The following TCERG1L variants were observed in gnomAD, a reference collection of about 807,000 sequenced individuals.
TCERG1L encodes the protein transcription elongation regulator 1-like protein.
Under a neutral mutation model 56.3 loss-of-function variants are expected in TCERG1L, and 37 were observed. The observed-to-expected ratio is 0.66, with a 90% CI of 0.51 to 0.87. The LOEUF is 0.87. Among genes scored for constraint, TCERG1L ranks in the 40% least tolerant of loss-of-function variants. TCERG1L has a pLI of 0.00. For synonymous variants in TCERG1L, 324 were observed against 326.3 expected (o/e 0.99, Z 0.08); for missense variants, 799 against 774.2 (o/e 1.03, Z -0.38).
At chr10:131,152,197 T>G (rs1845873099) in intron 6 of TCERG1L, among the ~76,000 whole-genome samples, 4 of 152,226 alleles carry the variant, frequency 2.6e-5, no homozygotes. Context: ...GTTTTTCTTT[T>G]CTATCGCGTG....
chr10:131,166,669 G>T, intron 5 of TCERG1L, 128 bp downstream of exon 5: 2 of 925,716 alleles, frequency 2.2e-6, no homozygotes, highest in Non-Finnish European at 3.3e-6. Context: ...AGGTCCTGCT[G>T]CTTCACACAG....
intron 4 of TCERG1L, among the ~76,000 whole-genome samples, 151 bp from the exon 5 acceptor site, chr10:131,167,036 G>C (rs1210619430): frequency 6.6e-6 from 1 of 152,252 alleles, no homozygotes; most frequent in Non-Finnish European, 1.5e-5. Context: ...CCTGTCCTTG[G>C]GTTGAAGTCT....
intron 6 of TCERG1L, among the ~76,000 whole-genome samples, chr10:131,151,092 TG>T (rs1845860908): frequency 6.6e-6 from 1 of 152,196 alleles, no homozygotes; most frequent in Non-Finnish European, 1.5e-5. Flanking sequence ...AGGTGAGATT[TG>T]GGTGGGGACA....
chr10:131,262,283 A>G (rs1252267698), intron 3 of TCERG1L, among the ~76,000 whole-genome samples: 4 of 152,174 alleles, frequency 2.6e-5, no homozygotes, highest in Admixed American at 2.6e-4. Flanking sequence ...GCTCAGTGCC[A>G]TACCCTATAG....
In TCERG1L at chr10:131,176,851, AAC is replaced by A. The variant is rs1846161541; in HGVS notation, c.857-9968_857-9967del. Among the ~76,000 whole-genome samples, 28 of 25,198 alleles carry A rather than the reference AAC, an allele frequency of 1.1e-3. No homozygotes were observed. The South Asian group carries it at 0.038, about 35-fold the overall frequency. The allele number at this position is 25,198 out of a possible 152,430, so 16.5% of individuals were successfully genotyped here. ...ACACGTGTACACACAGGCACATAGG[AAC>A]ACACAGAGACACGTGCACACACACC... On this transcript the variant is annotated intron_variant, in intron 4 of 11. Transcript: ENST00000368642.
At chr10:131,141,593 C>T (rs966327975) in intron 7 of TCERG1L, among the ~76,000 whole-genome samples, 1 of 152,074 alleles carries the variant, frequency 6.6e-6, no homozygotes, top group Non-Finnish European at 1.5e-5. Context: ...ACTTCCTCTC[C>T]TCCCTCCCTT....
chr10:131,259,229 G>A (rs769048183), intron 4 of TCERG1L, among the ~76,000 whole-genome samples: 12 of 152,188 alleles, frequency 7.9e-5, no homozygotes, highest in Non-Finnish European at 1.2e-4. Context: ...ATGGAACTAG[G>A]CTGTTTGTCT....
intron 4 of TCERG1L, among the ~76,000 whole-genome samples, chr10:131,225,946 C>A (rs1184321873): frequency 1.3e-5 from 2 of 152,178 alleles, no homozygotes. Context: ...CAAGTATTTA[C>A]GTATTTATTT....
chr10:131,286,057 A>T (rs1199162877), intron 3 of TCERG1L, among the ~76,000 whole-genome samples: 2 of 152,232 alleles, frequency 1.3e-5, no homozygotes, highest in African/African-American at 4.8e-5. Flanking sequence ...TTAACATTTT[A>T]AATTTTAAAA....
At chr10:131,146,745 C>G in intron 6 of TCERG1L, 85 bp from the exon 7 acceptor site, 1 of 1,453,232 alleles carries the variant, frequency 6.9e-7, no homozygotes, top group Non-Finnish European at 9.3e-7. Context: ...CTGAAAAAGC[C>G]CCTCAGGACC....
chr10:131,217,034 T>C lies in TCERG1L; in HGVS notation c.856+43225A>G, dbSNP rs148431686. Among the ~76,000 whole-genome samples, 109 of 152,206 alleles carry C rather than the reference T, an allele frequency of 7.2e-4. 1 individual carries two copies. Among genetic ancestry groups the C allele is most frequent in the Admixed American group, 3.1e-3 (48 of 15,280 alleles). On this transcript the variant is annotated intron_variant, in intron 4 of 11. Transcript: ENST00000368642. ...CCCACAATGCCCACAGTCTACAGGG[T>C]TGATGTCCCTGGCTGGGTGGTGGAC...
chr10:131,184,212 C>G (rs946272970), intron 4 of TCERG1L, among the ~76,000 whole-genome samples: 3 of 152,200 alleles, frequency 2.0e-5, no homozygotes, highest in African/African-American at 7.2e-5. Context: ...AAAAACGTGG[C>G]CCATATTTCT....
intron 10 of TCERG1L, 85 bp from the exon 11 acceptor site, chr10:131,098,509 C>T (rs1306233370): frequency 6.8e-7 from 1 of 1,466,952 alleles, no homozygotes; most frequent in Non-Finnish European, 9.0e-7. Flanking sequence ...CATGAGAAAG[C>T]AGCAAGAATC....
intron 8 of TCERG1L, among the ~76,000 whole-genome samples, chr10:131,128,874 C>A (rs1198959581): frequency 6.6e-6 from 1 of 152,154 alleles, no homozygotes; most frequent in East Asian, 1.9e-4. Context: ...CACCATTAGT[C>A]CTGCCAGAGC....
intron 8 of TCERG1L, among the ~76,000 whole-genome samples, chr10:131,132,715 GCCC>G (rs925618123): frequency 6.6e-6 from 1 of 152,234 alleles, no homozygotes; most frequent in Non-Finnish European, 1.5e-5. Flanking sequence ...GGAGCCCTTG[GCCC>G]CCGTCAGAGG....
At chr10:131,230,946 G>A (rs906608989) in intron 4 of TCERG1L, among the ~76,000 whole-genome samples, 7 of 151,046 alleles carry the variant, frequency 4.6e-5, no homozygotes, top group Non-Finnish European at 7.4e-5. Context: ...GATAGACTTC[G>A]TAATTGTTTA....
intron 4 of TCERG1L, among the ~76,000 whole-genome samples, chr10:131,173,661 G>A (rs1008515615): frequency 6.6e-6 from 1 of 152,218 alleles, no homozygotes; most frequent in Non-Finnish European, 1.5e-5. Context: ...GATTTCAGGG[G>A]TTAAAAACAA....
At chr10:131,256,994 A>AAGGAAGGAAGGAAGG (rs1554897149) in intron 4 of TCERG1L, among the ~76,000 whole-genome samples, 1 of 69,074 alleles carries the variant, frequency 1.4e-5, no homozygotes, top group African/African-American at 5.4e-5. Context: ...GGAAGGAAGG[A>AAGGAAGGAAGGAAGG]AAGAAAGAAA....
intron 8 of TCERG1L, among the ~76,000 whole-genome samples, chr10:131,126,898 C>T (rs1256267611): frequency 6.6e-6 from 1 of 152,162 alleles, no homozygotes; most frequent in African/African-American, 2.4e-5. Context: ...CGGGGCCAGA[C>T]AAGAGCTGAG....
Sources: allele counts gnomAD v4.1 joint callset (sites outside exome capture counted in the v4.1 genomes callset), GRCh38; gene constraint gnomAD v4.1.1; transcripts MANE v1.5; gene names NCBI Gene and HGNC (gene_info 2026-07-23, HGNC 2026-07-21).